The following FAM135B variants were observed in gnomAD, a reference collection of about 807,000 sequenced individuals.
FAM135B encodes family with sequence similarity 135 member B.
A neutral mutation model predicts 127.7 loss-of-function variants in FAM135B; 43 were observed. The ratio of observed to expected loss-of-function variants is 0.34; its 90% CI spans 0.26 to 0.43. The LOEUF (loss-of-function observed/expected upper bound fraction) is 0.43, where lower values mean the gene tolerates loss of function less well. Ranked by LOEUF, FAM135B falls within the 20% of genes least tolerant of loss-of-function variation. The pLI, the probability that FAM135B is intolerant of heterozygous loss-of-function variation, is 1.00. For synonymous variants in FAM135B, 670 were observed against 665.1 expected (o/e 1.01, Z -0.11); for missense variants, 1,558 against 1,725.6 (o/e 0.90, Z 1.72).
chr8:138,138,131 CT>C (rs1816818131), intron 18 of FAM135B, among the ~76,000 whole-genome samples: 1 of 152,182 alleles, frequency 6.6e-6, no homozygotes, highest in African/African-American at 2.4e-5. Context: ...TCCTGCACCC[CT>C]GATGGACTCT....
chr8:138,164,581 T>A (rs1310199282), intron 12 of FAM135B, among the ~76,000 whole-genome samples: 1 of 152,244 alleles, frequency 6.6e-6, no homozygotes, highest in Non-Finnish European at 1.5e-5. Flanking sequence ...AATGCATATC[T>A]GATTACCTCC....
At chr8:138,385,168 G>A (rs1417528020) in intron 1 of FAM135B, among the ~76,000 whole-genome samples, 1 of 152,130 alleles carries the variant, frequency 6.6e-6, no homozygotes, top group Non-Finnish European at 1.5e-5. Context: ...CAACTGCTCA[G>A]AGCTGCTCCT....
chr8:138,189,748 A>G (rs1482087699), intron 9 of FAM135B, among the ~76,000 whole-genome samples: 1 of 152,184 alleles, frequency 6.6e-6, no homozygotes, highest in Non-Finnish European at 1.5e-5. Flanking sequence ...GCAGCCAGCT[A>G]GCTCCAGTGC....
intron 1 of FAM135B, among the ~76,000 whole-genome samples, chr8:138,448,513 T>G (rs1188951785): frequency 6.6e-6 from 1 of 151,656 alleles, no homozygotes; most frequent in Admixed American, 6.6e-5. Context: ...AAAGCTGGAG[T>G]ATCACTTATT....
In FAM135B at chr8:138,442,236, CCATA is replaced by C. The variant is rs1189247712; in HGVS notation, c.-20+54431_-20+54434del. 2.2e-3 allele frequency among the ~76,000 whole-genome samples: 29 copies of C among 13,136 alleles called. 3 individuals carry two copies. Among genetic ancestry groups the C allele is most frequent in the Admixed American group, 0.012 (9 of 736 alleles). The allele number at this position is 13,136 out of a possible 152,430, so 8.6% of individuals were successfully genotyped here. On this transcript the variant is annotated intron_variant, in intron 1 of 19. Coordinates refer to ENST00000395297, the MANE Select transcript of FAM135B (RefSeq NM_015912.4). ...AAATTTAACGTGAAGAATATGGACA[CCATA>C]TATATATATATATATATATATATAT...
chr8:138,318,342 T>C (rs75022439), intron 2 of FAM135B, among the ~76,000 whole-genome samples: 3,529 of 152,310 alleles, frequency 0.023, 130 homozygotes, highest in East Asian at 0.16. Context: ...TCTCTGAACA[T>C]ATTAATACAA....
rs2130659847 is a variant in FAM135B, at chr8:138,146,042, C to T, written c.3457G>A (p.Ala1153Thr). The change falls in exon 15 of 20, where the codon GCA (alanine) becomes ACA (threonine). Residue 1153 changes from alanine (A) to threonine (T), a missense_variant. This residue lies in a region of FAM135B where 194 missense variants were observed against 333.8 expected (regional missense o/e 0.58). Transcript: ENST00000395297. ...AAAGTCTTTACCAGCCGGAGGTCTG[C>T]ACTGTTCCCTAAAAATGACAGATAA... ...VCVHGLDGNS[A>T]DLRLVKTFIE... is the part of the protein sequence containing the mutation. 2 of 1,595,428 alleles carry T rather than the reference C, an allele frequency of 1.3e-6. No individual in the cohort carries two copies. The highest frequency in any genetic ancestry group is 1.7e-6 in the Non-Finnish European group (2 of 1,164,058).
Position 138,132,835 on chromosome 8 carries a change from G to T in FAM135B, c.4016-37C>A. The T allele has an allele frequency of 6.3e-7, 1 of 1,583,818 alleles. No individual in the cohort carries two copies. The highest frequency in any genetic ancestry group is 8.7e-7 in the Non-Finnish European group (1 of 1,153,198). On this transcript the variant is annotated intron_variant, in intron 19 of 19. Transcript: ENST00000395297. The surrounding 1 kb of genome is among the most constrained non-coding windows in gnomAD (Gnocchi z 4.5). ...GGAAGAAGGACATGAAGCTGGTGCAGAAATTAGCAGTGGAATCTAGAGAAC... is the reference window on the plus strand; with the variant it reads ...GGAAGAAGGACATGAAGCTGGTGCATAAATTAGCAGTGGAATCTAGAGAAC...
rs60794136 is a variant in FAM135B, at chr8:138,231,628, C to G, written c.669+11314G>C. ...GGAGGTGAGCAGGTGAAAAGTGACTCAAAGTGGACAAAAGACAAGTGTTGG... is the reference window on the plus strand; with the variant it reads ...GGAGGTGAGCAGGTGAAAAGTGACTGAAAGTGGACAAAAGACAAGTGTTGG... On this transcript the variant is annotated intron_variant, in intron 7 of 19. Transcript: ENST00000395297. Among the ~76,000 whole-genome samples the G allele has an allele frequency of 4.4e-3, 677 of 152,244 alleles. 3 individuals carry two copies. The highest frequency in any genetic ancestry group is 0.016 in the African/African-American group (644 of 41,546).
At chr8:138,356,813 A>T (rs1830120489) in intron 2 of FAM135B, among the ~76,000 whole-genome samples, 1 of 152,166 alleles carries the variant, frequency 6.6e-6, no homozygotes, top group Non-Finnish European at 1.5e-5. Context: ...AGATTTGTAG[A>T]CATTTTCTGT....
intron 19 of FAM135B, among the ~76,000 whole-genome samples, chr8:138,134,226 C>T (rs1197077786): frequency 1.3e-5 from 2 of 152,102 alleles, no homozygotes; most frequent in African/African-American, 2.4e-5. Context: ...TGTTTATGAA[C>T]ATTACGTAAT....
At chr8:138,252,951 CA>C (rs2130508265) in intron 5 of FAM135B, among the ~76,000 whole-genome samples, 1 of 152,192 alleles carries the variant, frequency 6.6e-6, no homozygotes, top group East Asian at 1.9e-4. Context: ...AAGTGTGCAC[CA>C]CCACGCCCAG....
chr8:138,154,875 G>C (rs1586624865), intron 12 of FAM135B, among the ~76,000 whole-genome samples: 1 of 152,304 alleles, frequency 6.6e-6, no homozygotes, highest in East Asian at 1.9e-4. Flanking sequence ...CACTGTTCAG[G>C]ATATTATTCA....
intron 2 of FAM135B, among the ~76,000 whole-genome samples, chr8:138,336,879 T>C (rs1828636485): frequency 6.6e-6 from 1 of 152,078 alleles, no homozygotes; most frequent in Non-Finnish European, 1.5e-5. Context: ...GCAAACCGAA[T>C]CCAGCAGCAC....
At chr8:138,425,210 A>G (rs60437901) in intron 1 of FAM135B, among the ~76,000 whole-genome samples, 10,919 of 152,262 alleles carry the variant, frequency 0.072, 461 homozygotes, top group African/African-American at 0.12. Flanking sequence ...TATTATATAC[A>G]TGGATACATT....
At chr8:138,277,364 T>C (rs1240691277) in intron 3 of FAM135B, among the ~76,000 whole-genome samples, 1 of 152,194 alleles carries the variant, frequency 6.6e-6, no homozygotes, top group Non-Finnish European at 1.5e-5. Flanking sequence ...TAGTCCTTGA[T>C]ACCCATGCAC....
At chr8:138,486,821 G>A (rs767158262) in intron 1 of FAM135B, among the ~76,000 whole-genome samples, 3 of 152,172 alleles carry the variant, frequency 2.0e-5, no homozygotes, top group Non-Finnish European at 4.4e-5. Flanking sequence ...CAGACCTAAG[G>A]TGGAGTAAGC....
chr8:138,367,183 G>C (rs374177906), intron 2 of FAM135B: 1 of 319,406 alleles, frequency 3.1e-6, no homozygotes, highest in African/African-American at 2.2e-5. Context: ...ACTAATTTGC[G>C]CTGTTAATTG....
chr8:138,252,721 A>G (rs1271656929), intron 5 of FAM135B, among the ~76,000 whole-genome samples: 2 of 152,198 alleles, frequency 1.3e-5, no homozygotes, highest in Non-Finnish European at 2.9e-5. Flanking sequence ...AAGCAAACAA[A>G]AAAATTAAAC....
Sources: gnomAD v4.1 joint callset for allele counts (sites outside exome capture counted in the v4.1 genomes callset) on GRCh38, gnomAD v4.1.1 for gene constraint, gnomAD v4.1.1 regional missense constraint, Gnocchi (gnomAD v3.1) non-coding constraint, MANE v1.5 for transcripts, NCBI Gene and HGNC (gene_info 2026-07-23, HGNC 2026-07-21) for gene names.